The following PODXL2 variants were observed in gnomAD, a reference collection of about 807,000 sequenced individuals.
The protein encoded by PODXL2 is podocalyxin-like protein 2.
Under a neutral mutation model 53.4 loss-of-function variants are expected in PODXL2, and 17 were observed. The ratio of observed to expected loss-of-function variants is 0.32; its 90% CI spans 0.22 to 0.48. The LOEUF (loss-of-function observed/expected upper bound fraction) is 0.48. PODXL2 is among the 20% of genes least tolerant of loss of function. PODXL2 has a pLI of 0.99. For synonymous variants in PODXL2, 311 were observed against 306.7 expected, an observed-to-expected ratio of 1.01 and a Z score of -0.15; for missense variants, 673 against 760.0, an observed-to-expected ratio of 0.89 and a Z score of 1.35.
intron 2 of PODXL2, among the ~76,000 whole-genome samples, chr3:127,641,687 A>AT (rs1395280963): frequency 4.7e-5 from 7 of 149,940 alleles, no homozygotes; most frequent in East Asian, 2.0e-4. Context: ...ATAATTTTGT[A>AT]TTTTTTTTAG....
chr3:127,644,297 G>A lies in PODXL2; in HGVS notation c.349+4774G>A, dbSNP rs9865328. ...GCTAATTTTTGTAATTTTAGTAGAG[G>A]TGGGTTTTACCGTGTTGCCCAGGCT... On this transcript the variant is annotated intron_variant, in intron 2 of 7. Transcript: ENST00000342480. 9.7e-3 allele frequency among the ~76,000 whole-genome samples: 1,467 copies of A among 151,988 alleles called. 32 individuals carry two copies. The highest frequency in any genetic ancestry group is 0.033 in the African/African-American group (1,358 of 41,468).
intron 1 of PODXL2, among the ~76,000 whole-genome samples, chr3:127,638,223 A>G (rs371730512): frequency 2.6e-5 from 4 of 152,230 alleles, no homozygotes; most frequent in Non-Finnish European, 2.9e-5. Context: ...GAAACTGGCA[A>G]ATAGGGCTAT....
chr3:127,658,523 C>T lies in PODXL2; in HGVS notation c.350-1855C>T, dbSNP rs191139345. 1.1e-4 allele frequency among the ~76,000 whole-genome samples: 17 copies of T among 150,186 alleles called. No homozygotes were observed. In the East Asian group the frequency reaches 3.4e-3, roughly 30 times the overall value. On this transcript the variant is annotated intron_variant, in intron 2 of 7. Coordinates refer to ENST00000342480, the MANE Select transcript of PODXL2 (RefSeq NM_015720.4). ...TGAGAATGTCTTTATTTTGCAATCA[C>T]ACTTGAGTAGTCATTTATTTGGATA...
rs1179958013 is a variant in PODXL2, at chr3:127,669,281, G to C, written c.1425+79G>C. On this transcript the variant is annotated intron_variant, in intron 6 of 7. Transcript: ENST00000342480. ...CTGTTCCTCAAAGTCCCAGGAGTCT[G>C]CCCACATCGTGAGGTTCAAAGGAGT... 3.0e-6 allele frequency: 3 copies of C among 1,003,212 alleles called. No homozygotes were observed. The African/African-American group carries it at 4.9e-5, about 16-fold the overall frequency. The allele number at this position is 1,003,212 out of a possible 1,614,324, so 62.1% of individuals were successfully genotyped here. A position where few individuals can be genotyped will look rare whatever the true frequency, so the allele number is the denominator to read the frequency against.
chr3:127,654,322 T>A (rs1352680619), intron 2 of PODXL2, among the ~76,000 whole-genome samples: 1 of 152,238 alleles, frequency 6.6e-6, no homozygotes, highest in Admixed American at 6.5e-5. Flanking sequence ...GACGTGATGC[T>A]GTATCTTCTT....
intron 2 of PODXL2, among the ~76,000 whole-genome samples, chr3:127,642,622 TC>T (rs1251229437): frequency 6.6e-6 from 1 of 152,126 alleles, no homozygotes; most frequent in African/African-American, 2.4e-5. Flanking sequence ...GTTCTCTCTT[TC>T]CCTTGTCAGT....
intron 4 of PODXL2, among the ~76,000 whole-genome samples, chr3:127,667,983 C>T (rs2074804542): frequency 6.6e-6 from 1 of 152,222 alleles, no homozygotes; most frequent in African/African-American, 2.4e-5. Flanking sequence ...CCACTCCCAC[C>T]CGCCCATGTG....
intron 1 of PODXL2, among the ~76,000 whole-genome samples, chr3:127,634,195 G>T (rs2074563935): frequency 6.6e-6 from 1 of 152,178 alleles, no homozygotes; most frequent in Non-Finnish European, 1.5e-5. Flanking sequence ...GGAGGCCAAG[G>T]TGGGCAGATC....
At chr3:127,669,514 G>A (rs28710882) in intron 6 of PODXL2, among the ~76,000 whole-genome samples, 13,233 of 152,200 alleles carry the variant, frequency 0.087, 1,817 homozygotes, top group African/African-American at 0.29. Flanking sequence ...CTGGGGAGCA[G>A]TGAGGGTTAA....
chr3:127,646,370 T>C (rs1042894695), intron 2 of PODXL2, among the ~76,000 whole-genome samples: 1 of 151,850 alleles, frequency 6.6e-6, no homozygotes, highest in African/African-American at 2.4e-5. Context: ...GTGGTACTTA[T>C]CACCATTTTT....
chr3:127,669,145 G>A lies in PODXL2; in HGVS notation c.1368G>A (p.Val456=), dbSNP rs1379747442. The A allele has an allele frequency of 2.5e-6, 4 of 1,603,744 alleles. No homozygotes were observed. In the African/African-American group the frequency reaches 5.4e-5, roughly 22 times the overall value. The change falls in exon 6 of 8, where the codon GTG becomes GTA. Residue 456 remains valine (V), a synonymous_variant. Transcript: ENST00000342480. The part of the protein sequence containing the change: ...LLMTLVGEQG[V]VPTQDVLSML... The stretch of plus-strand genomic sequence containing the variant: ...GTGGTGTTTCTTACCCCCCAGGGGT[G>A]GTGCCCACTCAAGATGTCCTTTCCA...
At position 127,651,897 on chromosome 3, in the gene PODXL2, C is replaced by T. The variant is rs141983473; in HGVS notation, c.350-8481C>T. Among the ~76,000 whole-genome samples, 33 of 152,364 alleles carry T rather than the reference C, an allele frequency of 2.2e-4. No individual in the cohort carries two copies. The East Asian group carries it at 6.2e-3, about 28-fold the overall frequency. On this transcript the variant is annotated intron_variant, in intron 2 of 7. Coordinates refer to ENST00000342480, the MANE Select transcript of PODXL2 (RefSeq NM_015720.4). Reference sequence around the variant, plus strand: ...AGAGGCAAGTGGCCACCCAGAATTCCAGCCCATGCCTCCAGAACCCTGAAG... The same window carrying T: ...AGAGGCAAGTGGCCACCCAGAATTCTAGCCCATGCCTCCAGAACCCTGAAG...
chr3:127,668,509 C>T lies in PODXL2; in HGVS notation c.1275C>T (p.Gly425=), dbSNP rs773367346. 14 of 1,576,718 alleles carry T rather than the reference C, an allele frequency of 8.9e-6. No homozygotes were observed. Among genetic ancestry groups the T allele is most frequent in the Non-Finnish European group, 1.2e-5 (14 of 1,161,896 alleles). ...ALVEEVLPRH[G]SGHHGAWHIS... is the part of the protein sequence containing the mutation. ...TGGAAGAGGTGCTGCCCCGCCATGG[C>T]AGTGGCCACCATGGGGCCTGGCACA... Residue 425 remains glycine, a synonymous_variant, in exon 5 of 8, where the codon GGC becomes GGT. Transcript: ENST00000342480.
chr3:127,653,666 G>A (rs10212114), intron 2 of PODXL2, among the ~76,000 whole-genome samples: 10,662 of 113,364 alleles, frequency 0.094, 1,058 homozygotes, highest in African/African-American at 0.23. Context: ...AAAAAAAAAA[G>A]AGAGAAAGTG....
intron 4 of PODXL2, 77 bp from the exon 5 acceptor site, chr3:127,668,364 G>C: frequency 7.6e-7 from 1 of 1,323,288 alleles, no homozygotes; most frequent in Non-Finnish European, 1.0e-6. Flanking sequence ...GTGAGTACGG[G>C]GCTGGGCCTA....
intron 2 of PODXL2, among the ~76,000 whole-genome samples, chr3:127,644,039 T>C (rs536933061): frequency 1.5e-4 from 23 of 152,254 alleles, no homozygotes; most frequent in Admixed American, 5.9e-4. Flanking sequence ...ATTTTCTCCA[T>C]ATAGATCATC....
chr3:127,648,148 A>G (rs1369944601), intron 2 of PODXL2, among the ~76,000 whole-genome samples: 1 of 152,238 alleles, frequency 6.6e-6, no homozygotes, highest in African/African-American at 2.4e-5. Context: ...TCTAAATGAC[A>G]TAGTGGCAGA....
At chr3:127,668,933 G>A (rs1194202203) in intron 5 of PODXL2, among the ~76,000 whole-genome samples, 2 of 152,210 alleles carry the variant, frequency 1.3e-5, no homozygotes, top group East Asian at 3.8e-4. Flanking sequence ...GCTGGCTGGT[G>A]TTATACAAAT....
intron 4 of PODXL2, among the ~76,000 whole-genome samples, chr3:127,667,241 T>G (rs1576435604): frequency 6.6e-6 from 1 of 152,258 alleles, no homozygotes; most frequent in East Asian, 1.9e-4. Flanking sequence ...TGGTAGCCTT[T>G]AGGTTGGCAT....
Sources: gnomAD v4.1 joint callset for allele counts (sites outside exome capture counted in the v4.1 genomes callset) on GRCh38, gnomAD v4.1.1 for gene constraint, MANE v1.5 for transcripts, NCBI Gene and HGNC (gene_info 2026-07-23, HGNC 2026-07-21) for gene names.